Variants in MSH3 observed in about 807,000 individuals in gnomAD.
MSH3 encodes the protein DNA mismatch repair protein Msh3.
In MSH3, 106 loss-of-function variants were observed where a neutral mutation model predicts 123.3. That is an observed-to-expected ratio of 0.86 (90% CI 0.73 to 1.01). The LOEUF (loss-of-function observed/expected upper bound fraction) is 1.01, where lower values mean the gene tolerates loss of function less well. Among genes scored for constraint, MSH3 ranks in the 50% least tolerant of loss-of-function variants. The pLI, the probability that MSH3 is intolerant of heterozygous loss-of-function variation, is 0.00. For synonymous variants in MSH3, 515 were observed against 481.4 expected (o/e 1.07, Z -0.91); for missense variants, 1,459 against 1,347.6 (o/e 1.08, Z -1.29).
chr5:80,811,847 TTTGA>T (rs1352545645), intron 19 of MSH3, among the ~76,000 whole-genome samples: 3 of 152,188 alleles, frequency 2.0e-5, no homozygotes, highest in Non-Finnish European at 2.9e-5. Flanking sequence ...CATGCCAATA[TTTGA>T]TTGTTTTATG....
intron 3 of MSH3, 118 bp downstream of exon 3, chr5:80,665,481 C>G (rs773797934): frequency 1.3e-6 from 1 of 758,164 alleles, no homozygotes; most frequent in Non-Finnish European, 2.2e-6. Context: ...TCTTCTGAAT[C>G]ATCTGAGGGA....
chr5:80,797,240 T>C (rs1346166788), intron 19 of MSH3, among the ~76,000 whole-genome samples: 1 of 152,118 alleles, frequency 6.6e-6, no homozygotes, highest in East Asian at 1.9e-4. Flanking sequence ...TCCACCAAAT[T>C]ATAATCATTC....
chr5:80,815,208 G>A (rs1745079321), intron 20 of MSH3, among the ~76,000 whole-genome samples: 1 of 152,096 alleles, frequency 6.6e-6, no homozygotes, highest in Admixed American at 6.5e-5. Flanking sequence ...CCAAATAGGT[G>A]TTATTCTGAT....
Position 80,710,005 on chromosome 5 carries a change from A to G in MSH3, c.1341-15448A>G, listed in dbSNP as rs552402785. Among the ~76,000 whole-genome samples, 17 of 152,322 alleles carry G rather than the reference A, an allele frequency of 1.1e-4. No individual in the cohort carries two copies. The East Asian group carries it at 2.9e-3, about 26-fold the overall frequency. On this transcript the variant is annotated intron_variant, in intron 8 of 23. Coordinates refer to ENST00000265081, the MANE Select transcript of MSH3 (RefSeq NM_002439.5). ...CTTGACTTCGTGCCTTTCTTACCCA[A>G]TTACATCTATTCTAAAGCTGTCCCA...
rs1580552284 is a variant in MSH3 at position 80,672,806 on chromosome 5, C to G, written c.975C>G (p.Leu325=). The G allele has an allele frequency of 6.2e-7, 1 of 1,614,172 alleles. No individual in the cohort carries two copies. Among genetic ancestry groups the G allele is most frequent in the Non-Finnish European group, 8.5e-7 (1 of 1,180,004 alleles). ...CCATTGGAGACAACAGAAGTTCACT[C>G]TTTTCCCGGAAATTGACTGCCCTTT... The part of the protein sequence containing the change: ...LKAIGDNRSS[L]FSRKLTALYT... Residue 325 remains leucine, a synonymous_variant, in exon 6 of 24, where the codon CTC becomes CTG. Coordinates refer to ENST00000265081, the MANE Select transcript of MSH3 (RefSeq NM_002439.5).
intron 1 of MSH3, chr5:80,655,175 A>G (rs1749237558): frequency 2.3e-6 from 1 of 437,772 alleles, no homozygotes; most frequent in Non-Finnish European, 4.0e-6. Flanking sequence ...GAGATAGGCA[A>G]AGGTTATGCA....
At chr5:80,848,239 A>G (rs534737350) in intron 20 of MSH3, among the ~76,000 whole-genome samples, 3 of 152,326 alleles carry the variant, frequency 2.0e-5, no homozygotes, top group South Asian at 4.1e-4. Flanking sequence ...CAAATAAACA[A>G]TAATAAAATA....
chr5:80,695,336 A>AT (rs1750453027), intron 8 of MSH3, among the ~76,000 whole-genome samples: 1 of 147,976 alleles, frequency 6.8e-6, no homozygotes, highest in Non-Finnish European at 1.5e-5. Context: ...ATTTTTGTTC[A>AT]TTTTTTCTTT....
At position 80,672,766 on chromosome 5, in the gene MSH3, C is replaced by T; in HGVS notation, c.935C>T (p.Thr312Ile). 1.2e-6 allele frequency: 2 copies of T among 1,614,060 alleles called. No individual in the cohort carries two copies. Among genetic ancestry groups the T allele is most frequent in the Non-Finnish European group, 1.7e-6 (2 of 1,179,942 alleles). Reference protein sequence around the residue: ...YKVGVVKQTETAALKAIGDNR... With the variant: ...YKVGVVKQTEIAALKAIGDNR... Reference sequence around the variant, plus strand: ...GTGGGAGTTGTGAAGCAAACTGAAACTGCAGCATTAAAGGCCATTGGAGAC... The same window carrying T: ...GTGGGAGTTGTGAAGCAAACTGAAATTGCAGCATTAAAGGCCATTGGAGAC... The change falls in exon 6 of 24, where the codon ACT becomes ATT. Residue 312 changes from threonine to isoleucine, a missense_variant. By Grantham distance (89) the Thr-to-Ile change is moderately conservative. Coordinates refer to ENST00000265081, the MANE Select transcript of MSH3 (RefSeq NM_002439.5).
chr5:80,808,502 C>G (rs914926415), intron 19 of MSH3, among the ~76,000 whole-genome samples: 4 of 152,158 alleles, frequency 2.6e-5, no homozygotes, highest in Non-Finnish European at 5.9e-5. Flanking sequence ...CTCTCACTCA[C>G]TCACCACTTA....
At chr5:80,837,418 A>G (rs1165605720) in intron 20 of MSH3, among the ~76,000 whole-genome samples, 1 of 152,082 alleles carries the variant, frequency 6.6e-6, no homozygotes, top group East Asian at 1.9e-4. Context: ...ATCTCTACCA[A>G]AAATACAAAA....
At chr5:80,770,254 C>T (rs1744193470) in intron 15 of MSH3, among the ~76,000 whole-genome samples, 1 of 149,438 alleles carries the variant, frequency 6.7e-6, no homozygotes, top group South Asian at 2.1e-4. Flanking sequence ...AGAAAAGTGG[C>T]TGCCTTTTCT....
At chr5:80,758,535 G>C (rs565205012) in intron 12 of MSH3, among the ~76,000 whole-genome samples, 1 of 152,290 alleles carries the variant, frequency 6.6e-6, no homozygotes, top group East Asian at 1.9e-4. Context: ...CCTGACTTCT[G>C]AGCCCAAGTT....
chr5:80,818,557 T>C (rs1745147424), intron 20 of MSH3, among the ~76,000 whole-genome samples: 1 of 152,050 alleles, frequency 6.6e-6, no homozygotes, highest in Non-Finnish European at 1.5e-5. Context: ...TAGTGAAACA[T>C]TTAAAAATTT....
intron 22 of MSH3, among the ~76,000 whole-genome samples, chr5:80,871,562 C>T (rs927770756): frequency 2.6e-5 from 4 of 152,154 alleles, no homozygotes; most frequent in Non-Finnish European, 4.4e-5. Context: ...CAAGCCCACT[C>T]ATGTGGCTGT....
At chr5:80,845,473 C>G (rs1201181308) in intron 20 of MSH3, among the ~76,000 whole-genome samples, 1 of 152,148 alleles carries the variant, frequency 6.6e-6, no homozygotes, top group Non-Finnish European at 1.5e-5. Context: ...GGAACTTCTC[C>G]TAGATAATAT....
At chr5:80,741,407 GTTT>G in intron 10 of MSH3, 54 bp from the exon 11 acceptor site, 1 of 1,154,830 alleles carries the variant, frequency 8.7e-7, no homozygotes, top group Non-Finnish European at 1.3e-6. Context: ...TCCTGAATTA[GTTT>G]TTTATTTCTT....
chr5:80,765,585 CT>C (rs1744108726), intron 13 of MSH3, among the ~76,000 whole-genome samples: 1 of 152,152 alleles, frequency 6.6e-6, no homozygotes, highest in Non-Finnish European at 1.5e-5. Context: ...TACTTTACCC[CT>C]AAATTGTTTT....
intron 19 of MSH3, among the ~76,000 whole-genome samples, chr5:80,802,623 G>A (rs757721480): frequency 7.2e-5 from 11 of 151,796 alleles, no homozygotes; most frequent in Non-Finnish European, 1.3e-4. Context: ...AATAAATTTT[G>A]TTGACTATAG....
Sources: allele counts gnomAD v4.1 joint callset (sites outside exome capture counted in the v4.1 genomes callset), GRCh38; gene constraint gnomAD v4.1.1; transcripts MANE v1.5; gene names NCBI Gene and HGNC (gene_info 2026-07-23, HGNC 2026-07-21).